The following NCOR2 variants were observed in gnomAD, a reference collection of about 807,000 sequenced individuals.
The protein encoded by NCOR2 is CTG repeat protein 26.
A neutral mutation model predicts 262.9 loss-of-function variants in NCOR2; 81 were observed. The ratio of observed to expected loss-of-function variants is 0.31; its 90% confidence interval spans 0.26 to 0.37. The LOEUF (loss-of-function observed/expected upper bound fraction) is 0.37. Among genes scored for constraint, NCOR2 ranks in the 10% least tolerant of loss-of-function variants. NCOR2 has a pLI of 1.00. For missense variants in NCOR2, 3,385 were observed against 3,621.4 expected, an observed-to-expected ratio of 0.93 and a Z score of 1.68; for synonymous variants, 1,659 against 1,559.3, an observed-to-expected ratio of 1.06 and a Z score of -1.51.
chr12:124,506,768 G>C (rs959239926), intron 1 of NCOR2, among the ~76,000 whole-genome samples: 1 of 152,230 alleles, frequency 6.6e-6, no homozygotes, highest in Admixed American at 6.5e-5. Context: ...GAGTCAGAGA[G>C]GAGGCTGGTG....
intron 8 of NCOR2, among the ~76,000 whole-genome samples, chr12:124,433,094 C>T (rs1336959528): frequency 6.6e-6 from 1 of 152,200 alleles, no homozygotes; most frequent in Non-Finnish European, 1.5e-5. Flanking sequence ...GCTGTGCCCT[C>T]CATCCTCGAC....
chr12:124,422,421 A>G, intron 12 of NCOR2, 80 bp downstream of exon 14: 3 of 1,552,508 alleles, frequency 1.9e-6, no homozygotes, highest in Non-Finnish European at 2.7e-6. Flanking sequence ...GTGGGCAAGG[A>G]GGGAGGGCCT....
At chr12:124,386,353 C>T (rs1235778372) in intron 16 of NCOR2, among the ~76,000 whole-genome samples, 1 of 152,016 alleles carries the variant, frequency 6.6e-6, no homozygotes, top group East Asian at 1.9e-4. Context: ...GGTTGTTTTC[C>T]GGCCACACCG....
At position 124,481,914 on chromosome 12, in the gene NCOR2, G is replaced by A. The variant is rs981106423; in HGVS notation, c.411+1682C>T. Among the ~76,000 whole-genome samples the A allele has an allele frequency of 6.6e-5, 10 of 152,146 alleles. No individual in the cohort carries two copies. The highest frequency in any genetic ancestry group is 1.4e-4 in the African/African-American group (6 of 41,424). Reference sequence around the variant, plus strand: ...GGAGGAGGCTACTGCAAAGTTACTGGAGAGCAATGACGAGCTCAGGCCGGG... The same window carrying A: ...GGAGGAGGCTACTGCAAAGTTACTGAAGAGCAATGACGAGCTCAGGCCGGG... On this transcript the variant is annotated intron_variant, in intron 3 of 46. Transcript: ENST00000405201. The surrounding 1 kb of genome is among the most constrained non-coding windows in gnomAD (Gnocchi z 4.6).
intron 20 of NCOR2, among the ~76,000 whole-genome samples, chr12:124,365,950 T>A (rs1163270024): frequency 6.6e-6 from 1 of 151,916 alleles, no homozygotes; most frequent in Non-Finnish European, 1.5e-5. Flanking sequence ...CCTATGTCCC[T>A]CCCCACAGGT....
At chr12:124,330,812 G>C (rs2035123452) in intron 44 of NCOR2, 33 bp downstream of exon 46, 13 of 1,560,622 alleles carry the variant, frequency 8.3e-6, no homozygotes, top group Non-Finnish European at 1.1e-5. Context: ...GAGGGGACCA[G>C]GGCAGCCATA....
intron 1 of NCOR2, among the ~76,000 whole-genome samples, chr12:124,502,514 C>T (rs1312461893): frequency 1.3e-5 from 2 of 151,902 alleles, no homozygotes; most frequent in African/African-American, 2.4e-5. Flanking sequence ...GCAAAGGCGC[C>T]GGGGAGAGGA....
exon 2 of NCOR2, chr12:124,486,565 C>T (rs747399088): frequency 4.5e-6 from 7 of 1,570,278 alleles, no homozygotes; most frequent in Non-Finnish European, 5.2e-6. Flanking sequence ...AGGAGCCCGA[C>T]GTCCTGCAGG....
intron 1 of NCOR2, among the ~76,000 whole-genome samples, chr12:124,526,092 A>AC (rs2050452962): frequency 6.6e-6 from 1 of 152,150 alleles, no homozygotes; most frequent in Admixed American, 6.5e-5. Context: ...GCATGTACAC[A>AC]CATTAGTCCC....
intron 1 of NCOR2, among the ~76,000 whole-genome samples, chr12:124,494,403 A>G (rs745977875): frequency 2.6e-5 from 4 of 152,212 alleles, no homozygotes; most frequent in African/African-American, 4.8e-5. Context: ...AGCACCCCAT[A>G]AATGCCAAAG....
chr12:124,365,272 C>G (rs2038938974), intron 20 of NCOR2, among the ~76,000 whole-genome samples: 1 of 152,232 alleles, frequency 6.6e-6, no homozygotes, highest in African/African-American at 2.4e-5. Context: ...ACAGCCCCTA[C>G]TCTGTGCTGT....
At position 124,432,516 on chromosome 12, in the gene NCOR2, G is replaced by A. The variant is rs2044022084; in HGVS notation, c.883-1729C>T. 6.6e-6 allele frequency among the ~76,000 whole-genome samples: 1 copy of A among 152,176 alleles called. No homozygotes were observed. On this transcript the variant is annotated intron_variant, in intron 8 of 46. Transcript: ENST00000405201. This position sits in a 1 kb window ranked among gnomAD's most constrained non-coding sequence, Gnocchi z 5.1. ...CAGTGTCCAGCAGCCACATGCGGCT[G>A]GGGCTCCGGCCGCACCAGACAGCCC...
chr12:124,486,255 G>A, intron 2 of NCOR2, 186 bp downstream of exon 4: 2 of 839,730 alleles, frequency 2.4e-6, no homozygotes, highest in South Asian at 1.9e-5. Context: ...GGGCCACGTG[G>A]CTCTTCCCTG....
intron 38 of NCOR2, chr12:124,335,945 T>G: frequency 5.7e-6 from 2 of 353,876 alleles, no homozygotes; most frequent in Non-Finnish European, 1.0e-5. Context: ...CAGCGTGAGA[T>G]GGGGGCAGCA....
upstream of NCOR2, among the ~76,000 whole-genome samples, chr12:124,499,379 T>A (rs870844): frequency 2.6e-5 from 4 of 152,196 alleles, no homozygotes; most frequent in East Asian, 7.7e-4. Flanking sequence ...CCCGGGCTAG[T>A]GCTGGGGACT....
chr12:124,551,474 C>A (rs2051712237), intron 1 of NCOR2, among the ~76,000 whole-genome samples: 1 of 152,198 alleles, frequency 6.6e-6, no homozygotes, highest in East Asian at 1.9e-4. Context: ...AGGAAGGGGG[C>A]TCCCGTGACT....
intron 4 of NCOR2, among the ~76,000 whole-genome samples, chr12:124,472,695 A>T (rs1200505159): frequency 1.3e-5 from 2 of 152,250 alleles, no homozygotes; most frequent in Non-Finnish European, 2.9e-5. Flanking sequence ...ATAAAAATTA[A>T]AAATCAGTTC....
At chr12:124,486,765 A>C (rs2047787430) in intron 1 of NCOR2, among the ~76,000 whole-genome samples, 197 bp from the exon 4 acceptor site, 1 of 152,190 alleles carries the variant, frequency 6.6e-6, no homozygotes, top group African/African-American at 2.4e-5. Flanking sequence ...AAGGAGGAGA[A>C]AGAACACAGC....
intron 8 of NCOR2, 140 bp downstream of exon 10, chr12:124,437,790 T>C: frequency 2.0e-6 from 1 of 497,990 alleles, no homozygotes; most frequent in Non-Finnish European, 3.2e-6. Flanking sequence ...CTGGCCGGCC[T>C]TGGCTTTTCC....
Sources: allele counts gnomAD v4.1 joint callset (sites outside exome capture counted in the v4.1 genomes callset), GRCh38; gene constraint gnomAD v4.1.1; non-coding constraint Gnocchi (gnomAD v3.1); transcripts MANE v1.5; gene names NCBI Gene and HGNC (gene_info 2026-07-23, HGNC 2026-07-21).